The following ITM2B variants were observed in gnomAD, a reference collection of about 807,000 sequenced individuals.
The protein encoded by ITM2B is ABri/ADan amyloid peptide.
In ITM2B, 11 loss-of-function variants were observed where a neutral mutation model predicts 27.8. The ratio of observed to expected loss-of-function variants is 0.40; its 90% CI spans 0.25 to 0.66. The LOEUF (loss-of-function observed/expected upper bound fraction) is 0.66, where lower values mean the gene tolerates loss of function less well. Ranked by LOEUF, ITM2B falls within the 30% of genes least tolerant of loss-of-function variation. The pLI, the probability that ITM2B is intolerant of heterozygous loss-of-function variation, is 0.43. For synonymous variants in ITM2B, 114 were observed against 114.3 expected, an observed-to-expected ratio of 1.00 and a Z score of 0.02; for missense variants, 296 against 328.9, an observed-to-expected ratio of 0.90 and a Z score of 0.77.
intron 5 of ITM2B, among the ~76,000 whole-genome samples, chr13:48,259,932 G>C (rs775221756): frequency 6.6e-6 from 1 of 151,888 alleles, no homozygotes; most frequent in East Asian, 1.9e-4. Context: ...CAGGTGCCAT[G>C]GTGGTTTGCT....
intron 1 of ITM2B, among the ~76,000 whole-genome samples, chr13:48,235,305 G>A (rs1266439714): frequency 9.9e-5 from 15 of 152,196 alleles, no homozygotes; most frequent in Admixed American, 9.8e-4. Flanking sequence ...GCAGCTATAA[G>A]TAATCATTGG....
chr13:48,234,198 A>G (rs1951653756), intron 1 of ITM2B, among the ~76,000 whole-genome samples: 1 of 152,096 alleles, frequency 6.6e-6, no homozygotes, highest in Non-Finnish European at 1.5e-5. Flanking sequence ...GCTGCGTGAA[A>G]CTAAACATGA....
At chr13:48,249,919 T>C (rs1435069485) in intron 1 of ITM2B, among the ~76,000 whole-genome samples, 2 of 152,238 alleles carry the variant, frequency 1.3e-5, no homozygotes, top group African/African-American at 4.8e-5. Context: ...TAAAGCTTAC[T>C]CTTTGAAGTG....
rs1308893447 is a variant in ITM2B, at chr13:48,266,589, A to G, written c.*5365A>G. The G allele has an allele frequency of 6.6e-6, 1 of 152,292 alleles. No individual in the cohort carries two copies. The highest frequency in any genetic ancestry group is 2.1e-4 in the South Asian group (1 of 4,824). The allele number at this position is 152,292 out of a possible 1,614,324, so 9.4% of individuals were successfully genotyped here. ...TAGCTAGAAAAAAAGGAAATACGGT[A>G]TCTACTTCACTAAAACCAAAGGGGG... is the stretch of plus-strand genomic sequence containing the variant. On this transcript the variant is annotated 3_prime_UTR_variant, in exon 6 of 6. Transcript: ENST00000647800.
intron 1 of ITM2B, among the ~76,000 whole-genome samples, chr13:48,250,672 C>T (rs1951750903): frequency 6.6e-6 from 1 of 150,806 alleles, no homozygotes; most frequent in African/African-American, 2.4e-5. Flanking sequence ...TGAGTGCCAG[C>T]TAATGCCAAG....
At chr13:48,247,054 C>T (rs1335110996) in intron 1 of ITM2B, among the ~76,000 whole-genome samples, 1 of 152,196 alleles carries the variant, frequency 6.6e-6, no homozygotes, top group East Asian at 1.9e-4. Flanking sequence ...TCTCGATCTC[C>T]TGACCTTGTG....
intron 1 of ITM2B, among the ~76,000 whole-genome samples, chr13:48,235,882 G>A (rs1210175054): frequency 6.6e-6 from 1 of 152,138 alleles, no homozygotes; most frequent in Non-Finnish European, 1.5e-5. Context: ...TGCTCTTAGG[G>A]ACCACCTGCT....
In ITM2B at chr13:48,266,001, T is replaced by A. The variant is rs1951851053; in HGVS notation, c.*4777T>A. ...GGCACCTGACACATAGTTGCAGCTC[T>A]TATTTATTGAATGAATGAATGATTC... On this transcript the variant is annotated 3_prime_UTR_variant, in exon 6 of 6. Transcript: ENST00000647800. The A allele has an allele frequency of 6.6e-6, 1 of 152,206 alleles. No individual in the cohort carries two copies. The highest frequency in any genetic ancestry group is 6.5e-5 in the Admixed American group (1 of 15,274). The allele number at this position is 152,206 out of a possible 1,614,324, so 9.4% of individuals were successfully genotyped here. A position where few individuals can be genotyped will look rare whatever the true frequency, so the allele number is the denominator to read the frequency against.
intron 1 of ITM2B, among the ~76,000 whole-genome samples, chr13:48,240,672 A>G (rs7984554): frequency 0.4 from 61,378 of 152,034 alleles, 15,512 homozygotes; most frequent in African/African-American, 0.73. Flanking sequence ...TTTATTCATT[A>G]CATAATAGGT....
intron 1 of ITM2B, among the ~76,000 whole-genome samples, chr13:48,248,505 T>A (rs909370038): frequency 6.6e-6 from 1 of 152,126 alleles, no homozygotes; most frequent in East Asian, 1.9e-4. Context: ...TTTTTGTTGC[T>A]GACAATGTAG....
At chr13:48,243,714 G>A (rs1593390221) in intron 1 of ITM2B, among the ~76,000 whole-genome samples, 1 of 152,052 alleles carries the variant, frequency 6.6e-6, no homozygotes, top group African/African-American at 2.4e-5. Context: ...CTACTTGGGA[G>A]GCTGAGGTAG....
intron 5 of ITM2B, among the ~76,000 whole-genome samples, chr13:48,259,800 C>G (rs967524492): frequency 6.6e-6 from 1 of 151,256 alleles, no homozygotes; most frequent in African/African-American, 2.4e-5. Context: ...TACAGATGAT[C>G]CCATCACTCA....
At chr13:48,242,587 A>G (rs190610807) in intron 1 of ITM2B, among the ~76,000 whole-genome samples, 248 of 151,124 alleles carry the variant, frequency 1.6e-3, no homozygotes, top group African/African-American at 5.6e-3. Context: ...AAAAAATCTT[A>G]CGTGTCTCAG....
intron 1 of ITM2B, among the ~76,000 whole-genome samples, chr13:48,245,307 CAGTG>C (rs1951718554): frequency 6.7e-6 from 1 of 148,354 alleles, no homozygotes; most frequent in South Asian, 2.1e-4. Flanking sequence ...GCCTGGGTGA[CAGTG>C]AGACTCCGTC....
At chr13:48,252,725 T>G (rs1308833031) in intron 1 of ITM2B, among the ~76,000 whole-genome samples, 1 of 152,234 alleles carries the variant, frequency 6.6e-6, no homozygotes, top group African/African-American at 2.4e-5. Flanking sequence ...GAAGTCTGCT[T>G]TCTGCCTTAA....
At position 48,261,389 on chromosome 13, in the gene ITM2B, T is replaced by A. The variant is rs2137998059; in HGVS notation, c.*165T>A. ...TTCAATTAAAACCATTACCTTAAAA[T>A]TTTTTTCTTTCGAAGTGTGGTGTCT... On this transcript the variant is annotated 3_prime_UTR_variant, in exon 6 of 6. Transcript: ENST00000647800. 2 of 576,136 alleles carry A rather than the reference T, an allele frequency of 3.5e-6. No individual in the cohort carries two copies. Among genetic ancestry groups the A allele is most frequent in the East Asian group, 6.0e-5 (2 of 33,354 alleles). The allele number at this position is 576,136 out of a possible 1,614,324, so 35.7% of individuals were successfully genotyped here. A position where few individuals can be genotyped will look rare whatever the true frequency, so the allele number is the denominator to read the frequency against.
chr13:48,242,162 T>C (rs1951703166), intron 1 of ITM2B, among the ~76,000 whole-genome samples: 1 of 152,228 alleles, frequency 6.6e-6, no homozygotes, highest in South Asian at 2.1e-4. Context: ...GTGTTTTTTA[T>C]TATAATTAAC....
chr13:48,261,353 C>G lies in ITM2B; in HGVS notation c.*129C>G. The G allele has an allele frequency of 1.4e-6, 1 of 707,510 alleles. No homozygotes were observed. Among genetic ancestry groups the G allele is most frequent in the South Asian group, 1.7e-5 (1 of 58,912 alleles). 43.8% of individuals were successfully genotyped at this position (707,510 alleles called of 1,614,324 possible). A position where few individuals can be genotyped will look rare whatever the true frequency, so the allele number is the denominator to read the frequency against. ...AGCAAACAGGGCTTTACTATCTTTT[C>G]ATCTCATTAATTCAATTAAAACCAT... is the stretch of plus-strand genomic sequence containing the variant. On this transcript the variant is annotated 3_prime_UTR_variant, in exon 6 of 6. Transcript: ENST00000647800.
In ITM2B at chr13:48,233,241, C is replaced by T; in HGVS notation, c.-120C>T. ...TCTGCCGCCGCGGAGCTTCCCGAAC[C>T]TCTTCAGCCGCCCGGAGCCGCTCCC... On this transcript the variant is annotated 5_prime_UTR_variant, in exon 1 of 6. Transcript: ENST00000647800. The T allele has an allele frequency of 1.7e-6, 1 of 585,166 alleles. No individual in the cohort carries two copies. The highest frequency in any genetic ancestry group is 3.5e-5 in the East Asian group (1 of 28,926). The allele number at this position is 585,166 out of a possible 1,614,324, so 36.2% of individuals were successfully genotyped here.
Sources: allele counts gnomAD v4.1 joint callset (sites outside exome capture counted in the v4.1 genomes callset), GRCh38; gene constraint gnomAD v4.1.1; transcripts MANE v1.5; gene names NCBI Gene and HGNC (gene_info 2026-07-23, HGNC 2026-07-21).